COTL1: variants seen among roughly 807,000 people sequenced by gnomAD.
The protein encoded by COTL1 is coactosin-like protein.
A neutral mutation model predicts 16.5 loss-of-function variants in COTL1; 15 were observed. That is an observed-to-expected ratio of 0.91 (90% confidence interval 0.61 to 1.40). The LOEUF is 1.40. Ranked by LOEUF, COTL1 falls within the 40% of genes most tolerant of loss-of-function variation. The pLI is 0.00. For missense variants in COTL1, 220 were observed against 201.5 expected (o/e 1.09, Z -0.56); for synonymous variants, 112 against 85.3 (o/e 1.31, Z -1.73).
chr16:84,615,604 C>T (rs553220020), intron 2 of COTL1, among the ~76,000 whole-genome samples: 4 of 152,248 alleles, frequency 2.6e-5, no homozygotes, highest in East Asian at 1.9e-4. Flanking sequence ...GCCTCAGAGC[C>T]GGCAAAGCAG....
intron 2 of COTL1, among the ~76,000 whole-genome samples, chr16:84,605,125 C>T (rs1352134565): frequency 6.7e-6 from 1 of 150,014 alleles, no homozygotes; most frequent in African/African-American, 2.5e-5. Context: ...CTAAACACTT[C>T]CCACGGCCCC....
chr16:84,597,656 T>C (rs908612858), intron 2 of COTL1, among the ~76,000 whole-genome samples: 1 of 152,146 alleles, frequency 6.6e-6, no homozygotes, highest in Non-Finnish European at 1.5e-5. Flanking sequence ...TGGTGAGAAC[T>C]CACTGTTGGG....
At chr16:84,601,696 C>G (rs755223908) in intron 2 of COTL1, among the ~76,000 whole-genome samples, 6 of 152,156 alleles carry the variant, frequency 3.9e-5, no homozygotes, top group Non-Finnish European at 4.4e-5. Context: ...CCTCGTGATC[C>G]CCCCATCCTG....
chr16:84,597,968 T>G (rs760034970), intron 2 of COTL1, among the ~76,000 whole-genome samples: 1 of 152,198 alleles, frequency 6.6e-6, no homozygotes, highest in Non-Finnish European at 1.5e-5. Context: ...CTAGCTCCTC[T>G]GCTTGCCCAT....
At chr16:84,613,761 G>T (rs1195277384) in intron 2 of COTL1, among the ~76,000 whole-genome samples, 1 of 152,196 alleles carries the variant, frequency 6.6e-6, no homozygotes, top group African/African-American at 2.4e-5. Context: ...TTGTGAAAGT[G>T]GCATGCCATT....
At chr16:84,580,747 T>G (rs1487821059) in intron 3 of COTL1, among the ~76,000 whole-genome samples, 1 of 152,176 alleles carries the variant, frequency 6.6e-6, no homozygotes, top group Admixed American at 6.5e-5. Flanking sequence ...CCCCGGCTCA[T>G]GGATGAATAA....
At chr16:84,579,825 G>T (rs1219113588) in intron 3 of COTL1, among the ~76,000 whole-genome samples, 1 of 152,174 alleles carries the variant, frequency 6.6e-6, no homozygotes, top group African/African-American at 2.4e-5. Context: ...AAGAGAAGAG[G>T]GGGAGGAAAG....
chr16:84,614,466 G>A (rs151328293), intron 2 of COTL1, among the ~76,000 whole-genome samples: 1 of 152,040 alleles, frequency 6.6e-6, no homozygotes, highest in East Asian at 1.9e-4. Context: ...GAGGCTGGGT[G>A]GAGAGATCCC....
At chr16:84,567,364 A>C (rs1904303351) in intron 3 of COTL1, 1 of 160,544 alleles carries the variant, frequency 6.2e-6, no homozygotes, top group Non-Finnish European at 1.4e-5. Context: ...ACGGGTGTGC[A>C]GGCACTCCAA....
chr16:84,600,111 A>G (rs1360200643), intron 2 of COTL1, among the ~76,000 whole-genome samples: 1 of 152,122 alleles, frequency 6.6e-6, no homozygotes, highest in Non-Finnish European at 1.5e-5. Context: ...GCCTGATATC[A>G]CTATACCACT....
intron 2 of COTL1, among the ~76,000 whole-genome samples, chr16:84,591,183 A>AT (rs1363415021): frequency 1.7e-4 from 22 of 130,044 alleles, no homozygotes; most frequent in African/African-American, 6.4e-4. Context: ...GATATTCTGG[A>AT]ATTTTTTTTT....
rs143038915 is a variant in COTL1 at position 84,581,725 on chromosome 16, G to A, written c.318+8380C>T. Among the ~76,000 whole-genome samples, 1,275 of 152,068 alleles carry A rather than the reference G, an allele frequency of 8.4e-3. 18 individuals carry two copies. The highest frequency in any genetic ancestry group is 0.029 in the African/African-American group (1,206 of 41,478). ...TCCCCATGTTGGCCTGGCTGGTCTC[G>A]AACTCCTGACCTCAGGTGATCTACC... On this transcript the variant is annotated intron_variant, in intron 3 of 3. Coordinates refer to ENST00000262428, the MANE Select transcript of COTL1 (RefSeq NM_021149.5).
chr16:84,603,602 T>C (rs570588064), intron 2 of COTL1, among the ~76,000 whole-genome samples: 1 of 151,872 alleles, frequency 6.6e-6, no homozygotes, highest in Non-Finnish European at 1.5e-5. Flanking sequence ...GTGAGGATGA[T>C]AAGGACAAGG....
In COTL1 at chr16:84,584,933, C is replaced by T. The variant is rs182036010; in HGVS notation, c.318+5172G>A. On this transcript the variant is annotated intron_variant, in intron 3 of 3. Transcript: ENST00000262428. ...GTGATGGAGCTGAAATTTGAACCCA[C>T]GCCATCTGGCTCCAAAGTCCACCGT... Among the ~76,000 whole-genome samples the T allele has an allele frequency of 3.8e-3, 582 of 152,084 alleles. 1 individual carries two copies. The highest frequency in any genetic ancestry group is 0.013 in the African/African-American group (547 of 41,468).
At chr16:84,601,543 G>A (rs554747196) in intron 2 of COTL1, among the ~76,000 whole-genome samples, 6 of 152,034 alleles carry the variant, frequency 3.9e-5, no homozygotes, top group South Asian at 4.2e-4. Flanking sequence ...TGCAACCTCC[G>A]CCTCCCGGGT....
intron 2 of COTL1, among the ~76,000 whole-genome samples, chr16:84,617,107 T>C (rs944148425): frequency 6.6e-6 from 1 of 152,202 alleles, no homozygotes; most frequent in African/African-American, 2.4e-5. Flanking sequence ...GCTGAGTTTC[T>C]TTCCCTTCCA....
chr16:84,617,473 C>G, intron 2 of COTL1, 28 bp downstream of exon 2: 1 of 1,545,916 alleles, frequency 6.5e-7, no homozygotes, highest in Non-Finnish European at 8.7e-7. Context: ...AACGACCGCG[C>G]ATCCGCCCGG....
chr16:84,577,296 G>A (rs888990086), intron 3 of COTL1, among the ~76,000 whole-genome samples: 1 of 152,232 alleles, frequency 6.6e-6, no homozygotes, highest in East Asian at 1.9e-4. Context: ...CCAGTCTGGA[G>A]TACAGTGGTA....
At chr16:84,597,726 C>A (rs749076592) in intron 2 of COTL1, among the ~76,000 whole-genome samples, 1 of 152,162 alleles carries the variant, frequency 6.6e-6, no homozygotes, top group East Asian at 1.9e-4. Context: ...AGTTCAGCCC[C>A]CACGCCCTCC....
Sources: allele counts gnomAD v4.1 joint callset (sites outside exome capture counted in the v4.1 genomes callset), GRCh38; gene constraint gnomAD v4.1.1; transcripts MANE v1.5; gene names NCBI Gene and HGNC (gene_info 2026-07-23, HGNC 2026-07-21).